TOP6BL: variants seen among roughly 807,000 people sequenced by gnomAD.
The protein encoded by TOP6BL is TOP6B like initiator of meiotic double strand breaks.
At chr11:66,773,353 C>CT in the TOP6BL span, among the ~76,000 whole-genome samples, 891 of 143,188 alleles carry the variant, frequency 6.2e-3, 4 homozygotes, top group Non-Finnish European at 9.8e-3. Flanking sequence ...TGCACCTGGC[C>CT]TTTTTTTTTT....
the TOP6BL span, among the ~76,000 whole-genome samples, chr11:66,745,708 C>T: frequency 6.6e-6 from 1 of 152,252 alleles, no homozygotes; most frequent in Non-Finnish European, 1.5e-5. Flanking sequence ...AATAACCGAA[C>T]CTAGGCTAGA....
chr11:66,760,554 G>A, the TOP6BL span, among the ~76,000 whole-genome samples: 5 of 146,554 alleles, frequency 3.4e-5, no homozygotes, highest in Non-Finnish European at 4.5e-5. Flanking sequence ...CAAGGCAGGC[G>A]GATTGCTTGA....
the TOP6BL span, among the ~76,000 whole-genome samples, chr11:66,772,851 G>T: frequency 6.6e-6 from 1 of 151,970 alleles, no homozygotes; most frequent in Non-Finnish European, 1.5e-5. Context: ...TCTTTTTTTG[G>T]TACAAGTAAT....
the TOP6BL span, among the ~76,000 whole-genome samples, chr11:66,781,456 G>A: frequency 3.9e-5 from 6 of 152,080 alleles, no homozygotes; most frequent in Non-Finnish European, 8.8e-5. Flanking sequence ...CATTAAGGCC[G>A]CCTTTTAAGC....
the TOP6BL span, among the ~76,000 whole-genome samples, chr11:66,819,764 G>T: frequency 6.6e-6 from 1 of 152,020 alleles, no homozygotes; most frequent in Non-Finnish European, 1.5e-5. Flanking sequence ...TTAGCTGGGT[G>T]TGGTGGCAGG....
At chr11:66,820,405 T>G in the TOP6BL span, among the ~76,000 whole-genome samples, 2 of 152,200 alleles carry the variant, frequency 1.3e-5, no homozygotes, top group Non-Finnish European at 2.9e-5. Flanking sequence ...CAAGAAGGAT[T>G]TTCTCCAGGT....
the TOP6BL span, among the ~76,000 whole-genome samples, chr11:66,764,282 C>G: frequency 6.6e-6 from 1 of 152,030 alleles, no homozygotes; most frequent in Non-Finnish European, 1.5e-5. Flanking sequence ...GAATTATTGT[C>G]TTTGGGTTGA....
At chr11:66,753,608 G>T in the TOP6BL span, among the ~76,000 whole-genome samples, 1 of 150,630 alleles carries the variant, frequency 6.6e-6, no homozygotes, top group South Asian at 2.1e-4. Context: ...GGTTTTCACC[G>T]TGTTAGCCAG....
chr11:66,795,980 C>A, the TOP6BL span: 1 of 249,728 alleles, frequency 4.0e-6, no homozygotes, highest in African/African-American at 2.2e-5. Context: ...TTATTCTTAC[C>A]AACTTCAGTC....
chr11:66,745,312 G>GGA, the TOP6BL span, among the ~76,000 whole-genome samples: 1 of 149,288 alleles, frequency 6.7e-6, no homozygotes, highest in African/African-American at 2.4e-5. Flanking sequence ...TGCGGGGCGG[G>GGA]GTGGGGGGAG....
chr11:66,755,005 T>C, the TOP6BL span, among the ~76,000 whole-genome samples: 43 of 152,190 alleles, frequency 2.8e-4, no homozygotes, highest in Non-Finnish European at 1.8e-4. Context: ...CCTGAGTGTT[T>C]TGCAATTTTA....
At chr11:66,791,043 T>C in the TOP6BL span, among the ~76,000 whole-genome samples, 1 of 152,188 alleles carries the variant, frequency 6.6e-6, no homozygotes, top group African/African-American at 2.4e-5. Context: ...ATGTAGACAA[T>C]ATTTGAATGA....
chr11:66,795,994 A>T, the TOP6BL span: 2 of 281,092 alleles, frequency 7.1e-6, no homozygotes, highest in African/African-American at 4.3e-5. Flanking sequence ...TTCAGTCTGA[A>T]TTACTTTTAA....
the TOP6BL span, among the ~76,000 whole-genome samples, chr11:66,764,933 A>G: frequency 2.0e-5 from 3 of 152,142 alleles, no homozygotes; most frequent in East Asian, 3.9e-4. Context: ...GCGCCACTGC[A>G]CTACAGCCTT....
At chr11:66,760,931 C>A in the TOP6BL span, among the ~76,000 whole-genome samples, 1 of 150,012 alleles carries the variant, frequency 6.7e-6, no homozygotes, top group Non-Finnish European at 1.5e-5. Context: ...TTGTAAAATG[C>A]AAATCAATTA....
chr11:66,801,774 T>C, the TOP6BL span, among the ~76,000 whole-genome samples: 1 of 152,018 alleles, frequency 6.6e-6, no homozygotes, highest in Non-Finnish European at 1.5e-5. Context: ...AGGTGGAGGT[T>C]GCAGTGAGCC....
chr11:66,808,281 T>C, the TOP6BL span, among the ~76,000 whole-genome samples: 5 of 152,312 alleles, frequency 3.3e-5, no homozygotes, highest in South Asian at 1.0e-3. Context: ...ACACCTATAA[T>C]CTCAGCACTT....
the TOP6BL span, among the ~76,000 whole-genome samples, chr11:66,840,162 CTG>C: frequency 6.6e-6 from 1 of 152,198 alleles, no homozygotes; most frequent in Non-Finnish European, 1.5e-5. Flanking sequence ...AATCACCAAA[CTG>C]TGTGTTGATG....
chr11:66,761,552 A>G, the TOP6BL span: 23 of 1,057,290 alleles, frequency 2.2e-5, no homozygotes, highest in African/African-American at 4.9e-5. Context: ...CCATAAAACT[A>G]TGGCTTTCAG....
Sources: allele counts gnomAD v4.1 joint callset (sites outside exome capture counted in the v4.1 genomes callset), GRCh38; gene constraint gnomAD v4.1.1; transcripts MANE v1.5; gene names NCBI Gene and HGNC (gene_info 2026-07-23, HGNC 2026-07-21).